PIGK: variants seen among roughly 807,000 people sequenced by gnomAD.
PIGK encodes GPI-anchor transamidase.
Under a neutral mutation model 50.6 loss-of-function variants are expected in PIGK, and 42 were observed. The ratio of observed to expected loss-of-function variants is 0.83; its 90% CI spans 0.65 to 1.07. The LOEUF is 1.07. Among genes scored for constraint, PIGK ranks in the 50% least tolerant of loss-of-function variants. PIGK has a pLI of 0.00. For missense variants in PIGK, 448 were observed against 488.7 expected (o/e 0.92, Z 0.78); for synonymous variants, 151 against 156.0 (o/e 0.97, Z 0.24).
At chr1:77,178,177 C>T (rs761497809) in intron 3 of PIGK, among the ~76,000 whole-genome samples, 3 of 152,072 alleles carry the variant, frequency 2.0e-5, no homozygotes, top group Admixed American at 6.5e-5. Context: ...AAAATGAAGG[C>T]CCAATGTACA....
chr1:77,112,555 T>C (rs551638055), intron 10 of PIGK, among the ~76,000 whole-genome samples: 3 of 152,262 alleles, frequency 2.0e-5, no homozygotes, highest in South Asian at 4.1e-4. Context: ...CTTTTTGCTT[T>C]TATCAATTTG....
intron 10 of PIGK, among the ~76,000 whole-genome samples, chr1:77,111,305 C>A (rs1570188984): frequency 6.6e-6 from 1 of 152,202 alleles, no homozygotes; most frequent in East Asian, 1.9e-4. Flanking sequence ...GACACATGCA[C>A]ACATATGTTT....
chr1:77,214,563 T>C (rs1030042376), intron 1 of PIGK, among the ~76,000 whole-genome samples: 7 of 152,054 alleles, frequency 4.6e-5, no homozygotes, highest in Non-Finnish European at 8.8e-5. Flanking sequence ...CAGGGAAAAG[T>C]TGAAATCTTT....
chr1:77,100,574 T>C (rs1288763377), intron 10 of PIGK, among the ~76,000 whole-genome samples: 1 of 152,140 alleles, frequency 6.6e-6, no homozygotes, highest in Admixed American at 6.6e-5. Context: ...ATATGGCATA[T>C]GAGGGATTCT....
chr1:77,183,298 C>G (rs949253981), intron 3 of PIGK, among the ~76,000 whole-genome samples: 12 of 152,328 alleles, frequency 7.9e-5, no homozygotes, highest in Admixed American at 2.6e-4. Context: ...TCCCCATCCC[C>G]AGCAGTGGCA....
At position 77,130,297 on chromosome 1, in the gene PIGK, CAAAAAAAAAAAAA is replaced by C. The variant is rs749423746; in HGVS notation, c.987-7951_987-7939del. Among the ~76,000 whole-genome samples, 67 of 41,500 alleles carry C rather than the reference CAAAAAAAAAAAAA, an allele frequency of 1.6e-3. 1 individual carries two copies. Among genetic ancestry groups the C allele is most frequent in the African/African-American group, 3.6e-3 (47 of 12,948 alleles). The allele number at this position is 41,500 out of a possible 152,430, so 27.2% of individuals were successfully genotyped here. On this transcript the variant is annotated intron_variant, in intron 9 of 10. Coordinates refer to ENST00000370812, the MANE Select transcript of PIGK (RefSeq NM_005482.3). The stretch of plus-strand genomic sequence containing the variant: ...TGTGACACCTTTCCCTACTCCTAAG[CAAAAAAAAAAAAA>C]AAAAAAAAAAAAAAAAGACATTCTG...
chr1:77,104,958 G>T (rs1029888439), intron 10 of PIGK, among the ~76,000 whole-genome samples: 1 of 152,160 alleles, frequency 6.6e-6, no homozygotes, highest in African/African-American at 2.4e-5. Flanking sequence ...ATGGAGCAAC[G>T]GGGCGACTTC....
intron 10 of PIGK, among the ~76,000 whole-genome samples, chr1:77,113,192 T>C (rs903978138): frequency 4.6e-5 from 7 of 152,034 alleles, no homozygotes; most frequent in Non-Finnish European, 7.4e-5. Context: ...AAAAATTTAT[T>C]ACATATTATT....
intron 3 of PIGK, among the ~76,000 whole-genome samples, chr1:77,191,460 T>C (rs1379699195): frequency 6.6e-6 from 1 of 152,220 alleles, no homozygotes; most frequent in Non-Finnish European, 1.5e-5. Flanking sequence ...ACCAAAAGAT[T>C]TTAACAGTCT....
chr1:77,219,234 G>A, intron 1 of PIGK, 76 bp downstream of exon 1: 2 of 1,236,626 alleles, frequency 1.6e-6, no homozygotes, highest in Non-Finnish European at 2.4e-6. Context: ...GCGTCCCTCA[G>A]CTACTGTGTA....
At chr1:77,129,202 G>A (rs770380106) in intron 9 of PIGK, 1 of 1,598,174 alleles carries the variant, frequency 6.3e-7, no homozygotes, top group South Asian at 1.1e-5. Flanking sequence ...AAGAACACTC[G>A]TGAAACTGCT....
rs141624653 is a variant in PIGK, at chr1:77,145,443, C to T, written c.986+9006G>A. On this transcript the variant is annotated intron_variant, in intron 9 of 10. Coordinates refer to ENST00000370812, the MANE Select transcript of PIGK (RefSeq NM_005482.3). ...AATACTTCTGCATTTGAGCAACAAA[C>T]AAATGTAATGTTTTAAAAATAACAT... Among the ~76,000 whole-genome samples the T allele has an allele frequency of 2.4e-3, 368 of 152,006 alleles. 1 individual carries two copies. The highest frequency in any genetic ancestry group is 7.8e-3 in the African/African-American group (325 of 41,514).
At chr1:77,102,551 C>A (rs567741715) in intron 10 of PIGK, among the ~76,000 whole-genome samples, 2 of 152,076 alleles carry the variant, frequency 1.3e-5, no homozygotes, top group Admixed American at 6.5e-5. Flanking sequence ...TGGGTGGTCT[C>A]TAGAAGCTTG....
intron 3 of PIGK, among the ~76,000 whole-genome samples, chr1:77,180,253 A>G (rs1320524518): frequency 6.6e-6 from 1 of 152,174 alleles, no homozygotes; most frequent in African/African-American, 2.4e-5. Flanking sequence ...CACAGCATAC[A>G]TAATATGACC....
At chr1:77,160,634 G>A (rs906287285) in intron 8 of PIGK, among the ~76,000 whole-genome samples, 3 of 152,180 alleles carry the variant, frequency 2.0e-5, no homozygotes, top group Non-Finnish European at 4.4e-5. Flanking sequence ...GAAAGTCATT[G>A]ACACATAGTA....
At chr1:77,107,396 G>C (rs1465015137) in intron 10 of PIGK, among the ~76,000 whole-genome samples, 1 of 152,198 alleles carries the variant, frequency 6.6e-6, no homozygotes, top group East Asian at 1.9e-4. Context: ...TAGTTGAGCA[G>C]TTTTCAGTGA....
chr1:77,190,414 A>G (rs750463730), intron 3 of PIGK, among the ~76,000 whole-genome samples: 1 of 152,166 alleles, frequency 6.6e-6, no homozygotes, highest in African/African-American at 2.4e-5. Context: ...AAAAAGAAAA[A>G]GAAAAAGAAA....
At chr1:77,186,403 G>A (rs115699871) in intron 3 of PIGK, among the ~76,000 whole-genome samples, 1,540 of 152,354 alleles carry the variant, frequency 0.01, 27 homozygotes, top group African/African-American at 0.035. Context: ...CATGGAAGGA[G>A]AAATGGTCCA....
intron 3 of PIGK, among the ~76,000 whole-genome samples, chr1:77,205,594 T>C (rs1381442055): frequency 1.3e-5 from 2 of 152,010 alleles, no homozygotes; most frequent in African/African-American, 4.8e-5. Context: ...TATTACCATG[T>C]AACAAATGAG....
Sources: gnomAD v4.1 joint callset for allele counts (sites outside exome capture counted in the v4.1 genomes callset) on GRCh38, gnomAD v4.1.1 for gene constraint, MANE v1.5 for transcripts, NCBI Gene and HGNC (gene_info 2026-07-23, HGNC 2026-07-21) for gene names.